The following PRKG1 variants were observed in gnomAD, a reference collection of about 807,000 sequenced individuals.
PRKG1 encodes cGMP-dependent protein kinase 1.
In PRKG1, 35 loss-of-function variants were observed where a neutral mutation model predicts 88.1. That is an observed-to-expected ratio of 0.40 (90% CI 0.30 to 0.53). The LOEUF is 0.53. PRKG1 is among the 20% of genes least tolerant of loss of function. PRKG1 has a pLI of 0.59. For synonymous variants in PRKG1, 303 were observed against 292.5 expected (o/e 1.04, Z -0.37); for missense variants, 540 against 839.8 (o/e 0.64, Z 4.41).
intron 4 of PRKG1, among the ~76,000 whole-genome samples, chr10:51,869,037 T>A (rs756221188): frequency 3.6e-4 from 55 of 152,238 alleles, no homozygotes; most frequent in Non-Finnish European, 6.9e-4. Flanking sequence ...ATTTATTGGG[T>A]CTTTTTCTTT....
At chr10:52,243,960 A>G (rs1434155515) in intron 9 of PRKG1, among the ~76,000 whole-genome samples, 1 of 152,158 alleles carries the variant, frequency 6.6e-6, no homozygotes, top group African/African-American at 2.4e-5. Flanking sequence ...GAAAACCACA[A>G]TTTTGGAAAT....
intron 9 of PRKG1, among the ~76,000 whole-genome samples, chr10:52,240,482 G>A (rs1840831104): frequency 1.3e-5 from 2 of 152,136 alleles, no homozygotes; most frequent in African/African-American, 4.8e-5. Context: ...ATAAAAGTAT[G>A]GAGTTTAGTT....
chr10:51,596,637 G>T (rs564082905), intron 3 of PRKG1, among the ~76,000 whole-genome samples: 17 of 152,090 alleles, frequency 1.1e-4, no homozygotes, highest in Non-Finnish European at 2.1e-4. Context: ...AGGTATTTGA[G>T]ATGTTGTCCA....
At chr10:51,073,676 GGAGCAGGCGAA>G (rs1397844254), upstream of PRKG1, among the ~76,000 whole-genome samples, 1 of 151,912 alleles carries the variant, frequency 6.6e-6, no homozygotes, top group Non-Finnish European at 1.5e-5. Flanking sequence ...GTAACTATCT[GGAGCAGGCGAA>G]GAGTAGCAAC....
intron 3 of PRKG1, among the ~76,000 whole-genome samples, chr10:51,708,000 G>A (rs1011376707): frequency 6.6e-6 from 1 of 152,192 alleles, no homozygotes; most frequent in Admixed American, 6.5e-5. Context: ...ACCAAGGTAA[G>A]CAAAGGAAGT....
chr10:51,193,040 G>C (rs1837669881), intron 2 of PRKG1, among the ~76,000 whole-genome samples: 1 of 152,020 alleles, frequency 6.6e-6, no homozygotes, highest in African/African-American at 2.4e-5. Context: ...TTAGTAAAAG[G>C]ACATCTAATT....
intron 4 of PRKG1, among the ~76,000 whole-genome samples, chr10:51,882,696 A>C (rs1841467643): frequency 6.6e-6 from 1 of 152,164 alleles, no homozygotes; most frequent in Non-Finnish European, 1.5e-5. Context: ...CTGTTGACTG[A>C]GGCTTGGATA....
chr10:52,188,295 T>G lies in PRKG1; in HGVS notation c.1076+26332T>G, dbSNP rs1008456187. 2.1e-5 allele frequency among the ~76,000 whole-genome samples: 2 copies of G among 93,794 alleles called. 1 individual carries two copies. Among genetic ancestry groups the G allele is most frequent in the South Asian group, 7.7e-4 (2 of 2,582 alleles). 61.5% of individuals were successfully genotyped at this position (93,794 alleles called of 152,430 possible). A position where few individuals can be genotyped will look rare whatever the true frequency, so the allele number is the denominator to read the frequency against. On this transcript the variant is annotated intron_variant, in intron 9 of 17. Coordinates refer to ENST00000373980, the MANE Select transcript of PRKG1 (RefSeq NM_006258.4). ...ATATATATACATATATATGTGTATA[T>G]ATATATGTATATATATACATATGTA...
chr10:52,129,905 A>G (rs949299554), intron 7 of PRKG1, among the ~76,000 whole-genome samples: 3 of 152,186 alleles, frequency 2.0e-5, no homozygotes, highest in Non-Finnish European at 4.4e-5. Flanking sequence ...TCTGATAGCA[A>G]AGCATATAAG....
chr10:52,044,120 A>T (rs1244453955), intron 5 of PRKG1, among the ~76,000 whole-genome samples: 1 of 152,138 alleles, frequency 6.6e-6, no homozygotes, highest in Non-Finnish European at 1.5e-5. Context: ...AGAACTCAAA[A>T]ATATTTGAGA....
chr10:51,944,629 T>C (rs994662302), intron 5 of PRKG1, among the ~76,000 whole-genome samples: 6 of 152,062 alleles, frequency 3.9e-5, no homozygotes, highest in Admixed American at 1.3e-4. Flanking sequence ...GCTTTGAATG[T>C]GTCCCAGAGA....
intron 2 of PRKG1, among the ~76,000 whole-genome samples, chr10:51,370,244 T>C (rs531890282): frequency 2.0e-5 from 3 of 152,190 alleles, no homozygotes; most frequent in Admixed American, 6.6e-5. Flanking sequence ...TACAAAACCA[T>C]TGTTGTTGCT....
At chr10:51,895,861 C>T (rs934727609) in intron 4 of PRKG1, among the ~76,000 whole-genome samples, 2 of 152,002 alleles carry the variant, frequency 1.3e-5, no homozygotes, top group Non-Finnish European at 1.5e-5. Context: ...GGTTTCTCTG[C>T]GTGCAATTGC....
chr10:51,874,366 A>T (rs1373609243), intron 4 of PRKG1, among the ~76,000 whole-genome samples: 1 of 152,256 alleles, frequency 6.6e-6, no homozygotes. Context: ...TAAAAGTTAG[A>T]TAATTTATAC....
chr10:52,128,346 AC>A, intron 7 of PRKG1: 1 of 985,376 alleles, frequency 1.0e-6, no homozygotes, highest in Non-Finnish European at 1.2e-6. Context: ...TTGGCCTCAT[AC>A]ATTCTGTGTT....
At chr10:51,960,678 G>T (rs1374251200) in intron 5 of PRKG1, among the ~76,000 whole-genome samples, 2 of 152,084 alleles carry the variant, frequency 1.3e-5, no homozygotes, top group Admixed American at 1.3e-4. Flanking sequence ...CTGGATTTTC[G>T]CAGGCAGATG....
chr10:52,180,407 T>A (rs1383718669), intron 9 of PRKG1, among the ~76,000 whole-genome samples: 1 of 152,240 alleles, frequency 6.6e-6, no homozygotes, highest in Non-Finnish European at 1.5e-5. Context: ...TTGGACATTT[T>A]GAACGTTCAT....
At chr10:51,528,573 A>C (rs1841938719) in intron 3 of PRKG1, among the ~76,000 whole-genome samples, 1 of 19,214 alleles carries the variant, frequency 5.2e-5, no homozygotes, top group African/African-American at 1.4e-4. Flanking sequence ...CAGTACAGCA[A>C]AAAAAAAAAA....
At chr10:51,684,129 T>C (rs1351241974) in intron 3 of PRKG1, among the ~76,000 whole-genome samples, 2 of 152,148 alleles carry the variant, frequency 1.3e-5, no homozygotes, top group Admixed American at 6.5e-5. Context: ...ATCCATCAAC[T>C]GGTGAATGAA....
Sources: gnomAD v4.1 joint callset for allele counts (sites outside exome capture counted in the v4.1 genomes callset) on GRCh38, gnomAD v4.1.1 for gene constraint, MANE v1.5 for transcripts, NCBI Gene and HGNC (gene_info 2026-07-23, HGNC 2026-07-21) for gene names.